Variants in HTR2C observed in about 807,000 individuals in gnomAD.
HTR2C encodes 5-hydroxytryptamine (serotonin) receptor 2C, G protein-coupled.
HTR2C carries 5 observed loss-of-function variants against 21.0 expected under a neutral mutation model. That is an observed-to-expected ratio of 0.24 (90% CI 0.12 to 0.50). The LOEUF is 0.50. HTR2C is among the 20% of genes least tolerant of loss of function. The probability of loss-of-function intolerance (pLI) is 0.98; values close to 1 mark genes in which losing one functional copy is unlikely to be tolerated. For synonymous variants in HTR2C, 150 were observed against 145.3 expected (o/e 1.03, Z -0.23); for missense variants, 271 against 371.2 (o/e 0.73, Z 2.22).
chrX:114,826,030 G>A (rs1023752633), intron 4 of HTR2C, among the ~76,000 whole-genome samples: 1 of 110,008 alleles, frequency 9.1e-6, no homozygotes, highest in Non-Finnish European at 1.9e-5. Context: ...TATACAGGTT[G>A]AGCATCTCTA....
intron 2 of HTR2C, among the ~76,000 whole-genome samples, chrX:114,628,551 G>A (rs1431294939): frequency 1.8e-5 from 2 of 108,640 alleles, no homozygotes; most frequent in South Asian, 4.1e-4. Flanking sequence ...GAGCCACCGC[G>A]CCTGGCCAAT....
intron 4 of HTR2C, among the ~76,000 whole-genome samples, chrX:114,800,169 G>A (rs934163773): frequency 9.0e-6 from 1 of 110,742 alleles, no homozygotes; most frequent in African/African-American, 3.3e-5. Flanking sequence ...CTAGCCCTTT[G>A]AGTCAATGTC....
At chrX:114,778,561 A>AC (rs1296952070) in intron 4 of HTR2C, among the ~76,000 whole-genome samples, 4 of 109,930 alleles carry the variant, frequency 3.6e-5, no homozygotes, top group Admixed American at 2.0e-4. Flanking sequence ...CCAAAAAAAA[A>AC]CAGGCAAAAA....
chrX:114,905,124 T>G (rs1978422930), intron 5 of HTR2C, among the ~76,000 whole-genome samples: 1 of 111,077 alleles, frequency 9.0e-6, no homozygotes, highest in Non-Finnish European at 1.9e-5. Context: ...CCTCCTCATT[T>G]TCAGTCTTTC....
intron 4 of HTR2C, among the ~76,000 whole-genome samples, chrX:114,841,608 G>T (rs1251057900): frequency 1.8e-5 from 2 of 110,787 alleles, no homozygotes; most frequent in Admixed American, 9.6e-5. Context: ...TGGAGCGATG[G>T]TGGGCACCTG....
At chrX:114,710,610 T>C (rs782174892) in intron 2 of HTR2C, among the ~76,000 whole-genome samples, 1 of 111,834 alleles carries the variant, frequency 8.9e-6, no homozygotes, top group African/African-American at 3.2e-5. Context: ...CATCACTTGG[T>C]GTATAATAAT....
chrX:114,849,090 A>G (rs2070895757), intron 5 of HTR2C, among the ~76,000 whole-genome samples: 1 of 112,113 alleles, frequency 8.9e-6, no homozygotes, highest in Non-Finnish European at 1.9e-5. Flanking sequence ...TTAAGTTTTA[A>G]GATTGTTCTA....
intron 2 of HTR2C, among the ~76,000 whole-genome samples, chrX:114,688,320 C>CAAAA (rs61292601): frequency 3.9e-5 from 3 of 77,551 alleles, no homozygotes; most frequent in Non-Finnish European, 7.4e-5. Flanking sequence ...GACTCCATCT[C>CAAAA]AAAAAAAAAA....
chrX:114,874,583 A>C (rs1247526412), intron 5 of HTR2C, among the ~76,000 whole-genome samples: 1 of 109,743 alleles, frequency 9.1e-6, no homozygotes, highest in Non-Finnish European at 1.9e-5. Flanking sequence ...ATCTCGGCTC[A>C]CTGCAACCTC....
rs1349957078 is a variant in HTR2C at position 114,908,357 on chromosome X, TTTC to T, written c.*945_*947del. The T allele has an allele frequency of 2.7e-5, 3 of 112,079 alleles. No homozygotes were observed. Among genetic ancestry groups the T allele is most frequent in the Non-Finnish European group, 5.6e-5 (3 of 53,177 alleles). 9.2% of individuals were successfully genotyped at this position (112,079 alleles called of 1,213,427 possible). ...AGTATTTTGAGCCTTATTAAAATAT[TTTC>T]TTAATTATGGTACCTCTGTCTATAG... On this transcript the variant is annotated 3_prime_UTR_variant, in exon 6 of 6. Coordinates refer to ENST00000276198, the MANE Select transcript of HTR2C (RefSeq NM_000868.4).
chrX:114,754,848 G>T lies in HTR2C; in HGVS notation c.349+23241G>T, dbSNP rs34109142. Among the ~76,000 whole-genome samples, 759 of 110,735 alleles carry T rather than the reference G, an allele frequency of 6.9e-3. 3 individuals carry two copies. The highest frequency in any genetic ancestry group is 0.01 in the Non-Finnish European group (531 of 52,946). ...AAAGGAATTGGAAAACCATCTACAG[G>T]GTGAGAGAAATATTTGTAAATGATA... On this transcript the variant is annotated intron_variant, in intron 4 of 5. Transcript: ENST00000276198.
intron 2 of HTR2C, among the ~76,000 whole-genome samples, chrX:114,670,874 G>A (rs1330890207): frequency 3.6e-5 from 4 of 111,898 alleles, no homozygotes; most frequent in African/African-American, 1.3e-4. Flanking sequence ...AACTATAGTA[G>A]TGTTTTATAA....
chrX:114,648,809 A>G (rs980264282), intron 2 of HTR2C, among the ~76,000 whole-genome samples: 4 of 111,952 alleles, frequency 3.6e-5, no homozygotes, highest in African/African-American at 6.5e-5. Context: ...AGTACTTTAA[A>G]TAGTTTACTC....
chrX:114,757,431 CAAACAA>C (rs1256463282), intron 4 of HTR2C, among the ~76,000 whole-genome samples: 10 of 111,373 alleles, frequency 9.0e-5, no homozygotes, highest in Non-Finnish European at 1.5e-4. Context: ...ATGAAACAAA[CAAACAA>C]AAACAAAACA....
chrX:114,780,213 G>C lies in HTR2C; in HGVS notation c.349+48606G>C, dbSNP rs1464958240. Among the ~76,000 whole-genome samples, 5 of 110,893 alleles carry C rather than the reference G, an allele frequency of 4.5e-5. No homozygotes were observed. In the East Asian group the frequency reaches 1.4e-3, roughly 32 times the overall value. ...CATTTGCAGATTTTGGTATCTACGGGTGTCCTGGAACCAATCCCTCATGAA... is the reference window on the plus strand; with the variant it reads ...CATTTGCAGATTTTGGTATCTACGGCTGTCCTGGAACCAATCCCTCATGAA... On this transcript the variant is annotated intron_variant, in intron 4 of 5. Coordinates refer to ENST00000276198, the MANE Select transcript of HTR2C (RefSeq NM_000868.4).
intron 2 of HTR2C, among the ~76,000 whole-genome samples, chrX:114,648,724 C>T (rs1224689007): frequency 2.7e-5 from 3 of 111,614 alleles, no homozygotes; most frequent in Admixed American, 9.5e-5. Context: ...GAGACCTTGT[C>T]TCAAAAAAGA....
At chrX:114,680,837 T>TAG (rs1401092313) in intron 2 of HTR2C, among the ~76,000 whole-genome samples, 1 of 111,550 alleles carries the variant, frequency 9.0e-6, no homozygotes, top group Non-Finnish European at 1.9e-5. Context: ...AAGGCTTGTG[T>TAG]AGAGACTTTA....
In HTR2C at chrX:114,731,345, A is replaced by C; in HGVS notation, c.87A>C (p.Pro29=). 1.7e-6 allele frequency: 2 copies of C among 1,207,232 alleles called. No homozygotes were observed. Among genetic ancestry groups the C allele is most frequent in the Non-Finnish European group, 2.2e-6 (2 of 891,878 alleles). The change falls in exon 4 of 6, where the codon CCA becomes CCC. Residue 29 remains proline, a synonymous_variant. Coordinates refer to ENST00000276198, the MANE Select transcript of HTR2C (RefSeq NM_000868.4). ...GGCAATCTGATATTTCTGTGAGCCC[A>C]GTAGCAGCTATAGTAACTGACATTT... The part of the protein sequence containing the change: ...LVWQSDISVS[P]VAAIVTDIFN...
At chrX:114,805,408 T>A (rs1360140376) in intron 4 of HTR2C, among the ~76,000 whole-genome samples, 2 of 101,512 alleles carry the variant, frequency 2.0e-5, no homozygotes, top group Non-Finnish European at 4.0e-5. Context: ...CTCCACCCCT[T>A]TTTTTTTTTT....
Sources: gnomAD v4.1 joint callset for allele counts (sites outside exome capture counted in the v4.1 genomes callset) on GRCh38, gnomAD v4.1.1 for gene constraint, MANE v1.5 for transcripts, NCBI Gene and HGNC (gene_info 2026-07-23, HGNC 2026-07-21) for gene names.